The following XPO4 variants were observed in gnomAD, a reference collection of about 807,000 sequenced individuals.
XPO4 encodes the protein exportin-4.
In XPO4, 39 loss-of-function variants were observed where a neutral mutation model predicts 143.0. That is an observed-to-expected ratio of 0.27 (90% CI 0.21 to 0.36). The LOEUF (loss-of-function observed/expected upper bound fraction) is 0.36. Ranked by LOEUF, XPO4 falls within the 10% of genes least tolerant of loss-of-function variation. The pLI, the probability that XPO4 is intolerant of heterozygous loss-of-function variation, is 1.00. For missense variants in XPO4, 907 were observed against 1,348.0 expected (o/e 0.67, Z 5.12); for synonymous variants, 439 against 474.0 (o/e 0.93, Z 0.96).
chr13:20,897,248 A>C (rs1308296236), intron 1 of XPO4, among the ~76,000 whole-genome samples: 2 of 152,180 alleles, frequency 1.3e-5, no homozygotes, highest in Non-Finnish European at 2.9e-5. Flanking sequence ...CAAAAAAATA[A>C]AGGCAGTGTA....
At chr13:20,835,100 G>C (rs2059900712) in intron 6 of XPO4, among the ~76,000 whole-genome samples, 1 of 152,150 alleles carries the variant, frequency 6.6e-6, no homozygotes. Context: ...GAACTCCTAA[G>C]CTCAAGCCAT....
In XPO4 at chr13:20,854,417, A is replaced by G. The variant is rs547597994; in HGVS notation, c.456+1210T>C. ...TCCTAAAATACACCACAGCATCTCA[A>G]CCTCAAAGCATCAACTACATCGTTA... On this transcript the variant is annotated intron_variant, in intron 4 of 22. Coordinates refer to ENST00000255305, the MANE Select transcript of XPO4 (RefSeq NM_022459.5). Among the ~76,000 whole-genome samples the G allele has an allele frequency of 4.6e-5, 7 of 152,288 alleles. No individual in the cohort carries two copies. In the South Asian group the frequency reaches 1.5e-3, roughly 32 times the overall value.
chr13:20,891,871 A>G (rs1181551505), intron 1 of XPO4, among the ~76,000 whole-genome samples: 1 of 151,700 alleles, frequency 6.6e-6, no homozygotes, highest in African/African-American at 2.4e-5. Flanking sequence ...TCCAAAAAAA[A>G]AAAAAAAGAT....
intron 16 of XPO4, 128 bp downstream of exon 16, chr13:20,799,035 AAG>A: frequency 1.2e-5 from 12 of 961,096 alleles, no homozygotes; most frequent in South Asian, 5.7e-5. Flanking sequence ...AAAAAAAAAA[AAG>A]AAAGAAAGAA....
At chr13:20,824,666 T>C (rs2059762301) in intron 7 of XPO4, among the ~76,000 whole-genome samples, 1 of 152,184 alleles carries the variant, frequency 6.6e-6, no homozygotes, top group South Asian at 2.1e-4. Context: ...TCTGAACATG[T>C]ATTTCAATAT....
chr13:20,861,193 C>T (rs929026035), intron 3 of XPO4, among the ~76,000 whole-genome samples: 5 of 151,852 alleles, frequency 3.3e-5, no homozygotes, highest in Middle Eastern at 3.2e-3. Context: ...AAACAGTAAA[C>T]ATACAAGTGC....
At chr13:20,810,107 T>C (rs1283891370) in intron 9 of XPO4, 140 bp from the exon 10 acceptor site, 2 of 623,396 alleles carry the variant, frequency 3.2e-6, no homozygotes, top group Non-Finnish European at 4.5e-6. Flanking sequence ...TATTGAACTT[T>C]CTAAAATCTT....
At chr13:20,817,534 T>C (rs1000349897) in intron 9 of XPO4, among the ~76,000 whole-genome samples, 15 of 152,192 alleles carry the variant, frequency 9.9e-5, no homozygotes, top group African/African-American at 2.9e-4. Flanking sequence ...CGATTGCCCT[T>C]ATACACAACA....
chr13:20,787,713 C>G, intron 20 of XPO4, 115 bp from the exon 21 acceptor site: 1 of 752,310 alleles, frequency 1.3e-6, no homozygotes, highest in Non-Finnish European at 2.2e-6. Flanking sequence ...TACAGATACA[C>G]AAGTAGACTC....
chr13:20,799,058 G>A, intron 16 of XPO4, 107 bp downstream of exon 16: 1 of 1,049,980 alleles, frequency 9.5e-7, no homozygotes, highest in Non-Finnish European at 1.3e-6. Context: ...AGAAAGAAAA[G>A]CTATGACTGA....
intron 13 of XPO4, among the ~76,000 whole-genome samples, chr13:20,801,216 T>C (rs1293516306): frequency 6.6e-6 from 1 of 152,324 alleles, no homozygotes; most frequent in South Asian, 2.1e-4. Context: ...ACTAGAGATG[T>C]CCTTCTGCTG....
chr13:20,799,022 G>GAAAA (rs559049236), intron 16 of XPO4, 143 bp downstream of exon 16: 19 of 629,646 alleles, frequency 3.0e-5, no homozygotes, highest in South Asian at 8.0e-5. Context: ...CCCTATCTCA[G>GAAAA]AAAAAAAAAA....
intron 3 of XPO4, chr13:20,859,979 A>C: frequency 3.1e-6 from 1 of 324,558 alleles, no homozygotes; most frequent in Non-Finnish European, 4.4e-6. Flanking sequence ...AAACAGCTCC[A>C]CAAAAAAGAA....
rs939171377 is a variant in XPO4, at chr13:20,827,053, A to C, written c.840+14T>G. ...CTATGGCTCTTGCTACCAGAGATGA[A>C]GACTAAAACTTACTGTGAAGAAAAG... On this transcript the variant is annotated intron_variant, in intron 7 of 22. Coordinates refer to ENST00000255305, the MANE Select transcript of XPO4 (RefSeq NM_022459.5). The C allele has an allele frequency of 6.4e-7, 1 of 1,573,146 alleles. No homozygotes were observed. Among genetic ancestry groups the C allele is most frequent in the Non-Finnish European group, 8.8e-7 (1 of 1,142,680 alleles).
chr13:20,866,817 T>C (rs2060248911), intron 2 of XPO4, among the ~76,000 whole-genome samples: 1 of 152,140 alleles, frequency 6.6e-6, no homozygotes, highest in African/African-American at 2.4e-5. Flanking sequence ...ATACATATTC[T>C]AAAAAGGAAA....
At chr13:20,816,530 C>T (rs545333090) in intron 9 of XPO4, among the ~76,000 whole-genome samples, 1 of 152,216 alleles carries the variant, frequency 6.6e-6, no homozygotes, top group East Asian at 1.9e-4. Flanking sequence ...CTGGAATCCC[C>T]CAAGAGAAAT....
Position 20,851,707 on chromosome 13 carries a change from C to G in XPO4, c.456+3920G>C, listed in dbSNP as rs952394056. 3.0e-5 allele frequency: 25 copies of G among 822,624 alleles called. No individual in the cohort carries two copies. The African/African-American group carries it at 7.8e-4, about 26-fold the overall frequency. 51.0% of individuals were successfully genotyped at this position (822,624 alleles called of 1,614,324 possible). A position where few individuals can be genotyped will look rare whatever the true frequency, so the allele number is the denominator to read the frequency against. On this transcript the variant is annotated intron_variant, in intron 4 of 22. Coordinates refer to ENST00000255305, the MANE Select transcript of XPO4 (RefSeq NM_022459.5). ...CCGAGGCAACAGAGCAAGACCCGGT[C>G]TCACAAAAAAAAAAAAAAAAAAAGA...
intron 1 of XPO4, among the ~76,000 whole-genome samples, chr13:20,897,475 A>G (rs141521194): frequency 6.6e-6 from 1 of 152,310 alleles, no homozygotes; most frequent in African/African-American, 2.4e-5. Flanking sequence ...CTCAGTCCCT[A>G]TCTCAGCCTG....
At chr13:20,900,350 C>CG (rs2060608914) in intron 1 of XPO4, among the ~76,000 whole-genome samples, 1 of 151,874 alleles carries the variant, frequency 6.6e-6, no homozygotes, top group Non-Finnish European at 1.5e-5. Flanking sequence ...TGCCACTGCA[C>CG]TCCAGCCTGG....
Sources: allele counts gnomAD v4.1 joint callset (sites outside exome capture counted in the v4.1 genomes callset), GRCh38; gene constraint gnomAD v4.1.1; transcripts MANE v1.5; gene names NCBI Gene and HGNC (gene_info 2026-07-23, HGNC 2026-07-21).